CACNA2D3: variants seen among roughly 807,000 people sequenced by gnomAD.
CACNA2D3 encodes the protein calcium voltage-gated channel auxiliary subunit alpha2delta 3.
A neutral mutation model predicts 160.6 loss-of-function variants in CACNA2D3; 60 were observed. The observed-to-expected ratio is 0.37, with a 90% CI of 0.30 to 0.46. The LOEUF (loss-of-function observed/expected upper bound fraction) is 0.46, where lower values mean the gene tolerates loss of function less well. CACNA2D3 is among the 20% of genes least tolerant of loss of function. The pLI, the probability that CACNA2D3 is intolerant of heterozygous loss-of-function variation, is 1.00. For missense variants in CACNA2D3, 1,205 were observed against 1,365.0 expected (o/e 0.88, Z 1.85); for synonymous variants, 558 against 492.9 (o/e 1.13, Z -1.75).
At chr3:54,140,300 A>G (rs1333992260) in intron 2 of CACNA2D3, among the ~76,000 whole-genome samples, 1 of 152,190 alleles carries the variant, frequency 6.6e-6, no homozygotes, top group Non-Finnish European at 1.5e-5. Flanking sequence ...CAAATACTGG[A>G]TGCAGTGGGT....
At chr3:54,939,781 G>A (rs183430433) in intron 27 of CACNA2D3, among the ~76,000 whole-genome samples, 112 of 152,330 alleles carry the variant, frequency 7.4e-4, no homozygotes, top group Admixed American at 5.2e-3. Context: ...ACCAGTAGCG[G>A]GAGAAGCATG....
intron 2 of CACNA2D3, among the ~76,000 whole-genome samples, chr3:54,128,687 A>T (rs1699646985): frequency 6.6e-6 from 1 of 152,210 alleles, no homozygotes; most frequent in African/African-American, 2.4e-5. Context: ...TTGTAGTCAC[A>T]GTGCTTGTTG....
At chr3:54,918,483 C>G in intron 27 of CACNA2D3, 1 of 1,605,628 alleles carries the variant, frequency 6.2e-7, no homozygotes. Flanking sequence ...TGTCAAATCG[C>G]TCTTTTTCTT....
At chr3:54,464,184 G>C (rs565815279) in intron 4 of CACNA2D3, among the ~76,000 whole-genome samples, 2 of 152,220 alleles carry the variant, frequency 1.3e-5, no homozygotes, top group African/African-American at 2.4e-5. Context: ...TGCCCCTACT[G>C]GGGGGTGCCT....
At chr3:54,870,913 C>T (rs765086309) in intron 17 of CACNA2D3, among the ~76,000 whole-genome samples, 7 of 152,042 alleles carry the variant, frequency 4.6e-5, no homozygotes, top group Non-Finnish European at 7.4e-5. Context: ...CTAAGGAGTA[C>T]GGGTAGGTTT....
chr3:54,760,503 A>C (rs1702063073), intron 12 of CACNA2D3, among the ~76,000 whole-genome samples: 1 of 152,030 alleles, frequency 6.6e-6, no homozygotes, highest in Non-Finnish European at 1.5e-5. Flanking sequence ...TTTAACTCTA[A>C]ATATAAGCTA....
At chr3:54,459,642 G>A (rs1481540459) in intron 4 of CACNA2D3, among the ~76,000 whole-genome samples, 7 of 151,274 alleles carry the variant, frequency 4.6e-5, no homozygotes, top group Non-Finnish European at 7.4e-5. Flanking sequence ...TTGTAAATTT[G>A]TTTGAGTTCA....
chr3:55,017,496 A>G (rs772228130), intron 34 of CACNA2D3, among the ~76,000 whole-genome samples: 11 of 152,194 alleles, frequency 7.2e-5, no homozygotes, highest in Non-Finnish European at 7.3e-5. Context: ...TACTGTACTA[A>G]GTACTCAATA....
intron 9 of CACNA2D3, among the ~76,000 whole-genome samples, chr3:54,606,464 G>A (rs766447187): frequency 1.6e-4 from 24 of 152,092 alleles, no homozygotes; most frequent in Non-Finnish European, 2.6e-4. Flanking sequence ...TGGGTAAAGC[G>A]TGGCCAGATG....
intron 17 of CACNA2D3, among the ~76,000 whole-genome samples, chr3:54,859,974 A>G (rs75729627): frequency 0.061 from 3,943 of 64,928 alleles, 148 homozygotes; most frequent in Admixed American, 0.23. Context: ...AAGTAGATGC[A>G]CACACACACA....
chr3:54,816,887 C>A lies in CACNA2D3; in HGVS notation c.1398+17C>A. 1 of 1,613,704 alleles carries A rather than the reference C, an allele frequency of 6.2e-7. No individual in the cohort carries two copies. Among genetic ancestry groups the A allele is most frequent in the Non-Finnish European group, 8.5e-7 (1 of 1,179,702 alleles). ...GCACAAAAGGTAAATTCTCTTCTGTCACATTCCAGTCACCCCCAGAACTCA... is the reference window on the plus strand; with the variant it reads ...GCACAAAAGGTAAATTCTCTTCTGTAACATTCCAGTCACCCCCAGAACTCA... On this transcript the variant is annotated intron_variant, in intron 14 of 37. Transcript: ENST00000474759.
intron 29 of CACNA2D3, among the ~76,000 whole-genome samples, chr3:54,972,782 G>C (rs1432678477): frequency 3.9e-5 from 6 of 152,312 alleles, no homozygotes; most frequent in Admixed American, 2.0e-4. Flanking sequence ...TGTGACTTGA[G>C]GGCCTGGCCA....
intron 2 of CACNA2D3, among the ~76,000 whole-genome samples, chr3:54,282,199 A>G (rs1325242598): frequency 6.6e-6 from 1 of 152,250 alleles, no homozygotes; most frequent in Non-Finnish European, 1.5e-5. Context: ...TTTGCAGGGT[A>G]GGTGGGAATG....
chr3:54,581,227 G>T (rs1399411259), intron 8 of CACNA2D3, among the ~76,000 whole-genome samples: 4 of 152,142 alleles, frequency 2.6e-5, no homozygotes, highest in Non-Finnish European at 4.4e-5. Context: ...AGTGTGGGGG[G>T]GTCCTATTCT....
intron 4 of CACNA2D3, among the ~76,000 whole-genome samples, chr3:54,455,349 A>AT (rs1362132849): frequency 6.6e-6 from 1 of 152,076 alleles, no homozygotes; most frequent in Non-Finnish European, 1.5e-5. Context: ...GATGTTGAGC[A>AT]TTTTTTAACA....
At chr3:54,130,675 C>G (rs1699688703) in intron 2 of CACNA2D3, among the ~76,000 whole-genome samples, 1 of 152,328 alleles carries the variant, frequency 6.6e-6, no homozygotes, top group Non-Finnish European at 1.5e-5. Flanking sequence ...GCAGGGTCTA[C>G]ACATCTGGCC....
intron 11 of CACNA2D3, among the ~76,000 whole-genome samples, chr3:54,724,356 C>T (rs1373996097): frequency 1.8e-4 from 28 of 152,128 alleles, no homozygotes. Context: ...TTAGACAGAT[C>T]AACGAGACTG....
At chr3:54,907,265 C>G (rs1268399684) in intron 27 of CACNA2D3, among the ~76,000 whole-genome samples, 1 of 152,132 alleles carries the variant, frequency 6.6e-6, no homozygotes, top group African/African-American at 2.4e-5. Flanking sequence ...TTCCCCAGGC[C>G]TCACCCCTGT....
chr3:55,021,146 A>T (rs1401353421), intron 35 of CACNA2D3, among the ~76,000 whole-genome samples: 1 of 152,078 alleles, frequency 6.6e-6, no homozygotes, highest in Non-Finnish European at 1.5e-5. Context: ...GTGTTTTTTC[A>T]TGTGTGTATA....
Sources: gnomAD v4.1 joint callset for allele counts (sites outside exome capture counted in the v4.1 genomes callset) on GRCh38, gnomAD v4.1.1 for gene constraint, MANE v1.5 for transcripts, NCBI Gene and HGNC (gene_info 2026-07-23, HGNC 2026-07-21) for gene names.